Variants in TRAP1 observed in about 807,000 individuals in gnomAD.
TRAP1 encodes the protein TNF receptor associated protein 1.
In TRAP1, 102 loss-of-function variants were observed where a neutral mutation model predicts 89.1. That is an observed-to-expected ratio of 1.15 (90% CI 0.98 to 1.35). TRAP1 has a LOEUF of 1.35. TRAP1 is among the 40% of genes most tolerant of loss of function. The probability of loss-of-function intolerance (pLI) is 0.00; values close to 1 mark genes in which losing one functional copy is unlikely to be tolerated. For synonymous variants in TRAP1, 508 were observed against 388.0 expected, an observed-to-expected ratio of 1.31 and a Z score of -3.64; for missense variants, 1,256 against 945.3, an observed-to-expected ratio of 1.33 and a Z score of -4.31.
At chr16:3,696,229 A>C (rs1365420120) in intron 1 of TRAP1, among the ~76,000 whole-genome samples, 1 of 152,196 alleles carries the variant, frequency 6.6e-6, no homozygotes, top group Non-Finnish European at 1.5e-5. Flanking sequence ...AACAGGAACC[A>C]GAGATCCCTG....
intron 7 of TRAP1, among the ~76,000 whole-genome samples, 163 bp from the exon 8 acceptor site, chr16:3,675,560 C>A (rs2050979056): frequency 6.6e-6 from 1 of 152,182 alleles, no homozygotes; most frequent in African/African-American, 2.4e-5. Flanking sequence ...CCTGTCCTCC[C>A]CCCAGTCTCA....
Position 3,676,032 on chromosome 16 carries a change from T to C in TRAP1, c.814+4A>G. On this transcript the variant is annotated splice_donor_region_variant and intron_variant, in intron 7 of 17. Coordinates refer to ENST00000246957, the MANE Select transcript of TRAP1 (RefSeq NM_016292.3). ...AGTGAGCCTGGGCCCGGGCTCCCGC[T>C]CACCTCGCACCCGGGCCTCGCTGGA... is the stretch of plus-strand genomic sequence containing the variant. The C allele has an allele frequency of 6.2e-7, 1 of 1,611,464 alleles. No individual in the cohort carries two copies. Among genetic ancestry groups the C allele is most frequent in the African/African-American group, 1.3e-5 (1 of 74,934 alleles).
chr16:3,667,177 A>G (rs912255544), intron 11 of TRAP1, among the ~76,000 whole-genome samples: 2 of 152,140 alleles, frequency 1.3e-5, no homozygotes, highest in Non-Finnish European at 2.9e-5. Flanking sequence ...GTCAGAGCCC[A>G]AGAACCCCAG....
At chr16:3,682,797 C>A (rs752177076) in intron 4 of TRAP1, among the ~76,000 whole-genome samples, 1 of 151,508 alleles carries the variant, frequency 6.6e-6, no homozygotes, top group African/African-American at 2.4e-5. Context: ...GAGGTCAAGG[C>A]TGCAGCGAAC....
At chr16:3,682,595 G>A (rs1012215444) in intron 4 of TRAP1, among the ~76,000 whole-genome samples, 5 of 152,098 alleles carry the variant, frequency 3.3e-5, no homozygotes, top group East Asian at 1.9e-4. Context: ...GTTTCACCAC[G>A]TTGCCCAGGC....
chr16:3,674,959 G>A (rs2050968865), intron 8 of TRAP1: 2 of 330,286 alleles, frequency 6.1e-6, no homozygotes, highest in Non-Finnish European at 1.1e-5. Context: ...TGGGACTGGG[G>A]GAGGGGCAGT....
Position 3,676,074 on chromosome 16 carries a change from G to T in TRAP1, c.776C>A (p.Ser259Tyr), listed in dbSNP as rs61753378. 1 of 1,613,922 alleles carries T rather than the reference G, an allele frequency of 6.2e-7. No individual in the cohort carries two copies. Among genetic ancestry groups the T allele is most frequent in the South Asian group, 1.1e-5 (1 of 91,024 alleles). Reference sequence around the variant, plus strand: ...CTCGCTGGAAAACTCCTTGCAGTCGGATTTCAGGTGGATGATGATTTTTGT... The same window carrying T: ...CTCGCTGGAAAACTCCTTGCAGTCGTATTTCAGGTGGATGATGATTTTTGT... The part of the protein sequence containing the change: ...TGTKIIIHLK[S>Y]DCKEFSSEAR... Residue 259 changes from serine (S) to tyrosine (Y), a missense_variant, in exon 7 of 18, where the codon TCC becomes TAC. Physicochemically the swap from Ser to Tyr is moderately radical, Grantham distance 144. Transcript: ENST00000246957.
At chr16:3,680,550 C>A (rs566307963) in intron 4 of TRAP1, among the ~76,000 whole-genome samples, 1 of 152,256 alleles carries the variant, frequency 6.6e-6, no homozygotes, top group South Asian at 2.1e-4. Context: ...CCTACTCCCA[C>A]CCTACCACCA....
chr16:3,704,553 A>G (rs191472500), intron 1 of TRAP1, among the ~76,000 whole-genome samples: 2 of 152,260 alleles, frequency 1.3e-5, no homozygotes, highest in East Asian at 3.9e-4. Flanking sequence ...CAATATTAAA[A>G]TAAATTTCCA....
chr16:3,692,973 T>C (rs1175017597), intron 1 of TRAP1, among the ~76,000 whole-genome samples: 3 of 151,338 alleles, frequency 2.0e-5, no homozygotes, highest in African/African-American at 7.3e-5. Flanking sequence ...TTTGTTTTTT[T>C]TTGAGATGGA....
At chr16:3,674,625 C>A (rs752604311) in intron 8 of TRAP1, 131 bp from the exon 9 acceptor site, 12 of 1,116,652 alleles carry the variant, frequency 1.1e-5, no homozygotes, top group African/African-American at 3.1e-5. Flanking sequence ...TGGTCTCAGG[C>A]GTAGACCCCT....
chr16:3,662,251 T>G, intron 15 of TRAP1, 119 bp from the exon 16 acceptor site: 2 of 1,243,322 alleles, frequency 1.6e-6, no homozygotes, highest in Non-Finnish European at 2.2e-6. Flanking sequence ...TCTCAAGGAC[T>G]CCCCTGGACC....
intron 3 of TRAP1, among the ~76,000 whole-genome samples, chr16:3,688,330 C>T (rs1418252419): frequency 1.3e-5 from 2 of 152,102 alleles, no homozygotes; most frequent in African/African-American, 2.4e-5. Flanking sequence ...CTCAGTAACT[C>T]CTCCCTGCTC....
intron 1 of TRAP1, among the ~76,000 whole-genome samples, chr16:3,714,724 G>A (rs1274293440): frequency 6.6e-6 from 1 of 152,152 alleles, no homozygotes; most frequent in Non-Finnish European, 1.5e-5. Context: ...GGTCAGTGAG[G>A]TCTGAAAGGG....
intron 12 of TRAP1, chr16:3,665,617 C>T (rs71388534): frequency 0.021 from 5,170 of 246,778 alleles, 88 homozygotes; most frequent in Middle Eastern, 0.048. Context: ...CCCACGGGAT[C>T]GGAGTCCTTG....
intron 1 of TRAP1, among the ~76,000 whole-genome samples, chr16:3,696,670 C>T (rs2051291614): frequency 6.6e-6 from 1 of 152,088 alleles, no homozygotes; most frequent in Non-Finnish European, 1.5e-5. Context: ...GATCCTCCCA[C>T]CTCAGCCTCC....
At position 3,686,135 on chromosome 16, in the gene TRAP1, AC is replaced by A; in HGVS notation, c.331del (p.Val111CysfsTer6). 6.2e-7 allele frequency: 1 copy of A among 1,613,744 alleles called. No homozygotes were observed. The highest frequency in any genetic ancestry group is 8.5e-7 in the Non-Finnish European group (1 of 1,179,734). On this transcript the variant is annotated frameshift_variant and splice_region_variant, in exon 4 of 18. Transcript: ENST00000246957. LOFTEE classifies it high-confidence loss of function. ...ATTGGAGATCAGCTCCCGTATAAAC[AC>A]CTACAGGAATAGAAATGGGAGGCAC... ...VARSLYSEKEVFIRELISNAS... is the reference protein window; with the variant it reads ...VARSLYSEKEXFIRELISNAS...
intron 1 of TRAP1, among the ~76,000 whole-genome samples, chr16:3,713,095 G>A (rs1006300119): frequency 3.3e-5 from 5 of 152,060 alleles, no homozygotes; most frequent in African/African-American, 1.2e-4. Context: ...CGTCATCTCA[G>A]CAACACAAAG....
At chr16:3,707,759 CAGG>C (rs755885565) in intron 1 of TRAP1, among the ~76,000 whole-genome samples, 9 of 150,198 alleles carry the variant, frequency 6.0e-5, no homozygotes, top group Non-Finnish European at 1.2e-4. Flanking sequence ...GAGGCTGAGG[CAGG>C]AGACTTGCTT....
Sources: gnomAD v4.1 joint callset for allele counts (sites outside exome capture counted in the v4.1 genomes callset) on GRCh38, gnomAD v4.1.1 for gene constraint, MANE v1.5 for transcripts, NCBI Gene and HGNC (gene_info 2026-07-23, HGNC 2026-07-21) for gene names.